Variants in CAMTA1 observed in about 807,000 individuals in gnomAD.
The protein encoded by CAMTA1 is calmodulin binding transcription activator 1.
A neutral mutation model predicts 170.9 loss-of-function variants in CAMTA1; 27 were observed. The observed-to-expected ratio is 0.16, with a 90% CI of 0.12 to 0.22. The LOEUF is 0.22. Among genes scored for constraint, CAMTA1 ranks in the 10% least tolerant of loss-of-function variants. CAMTA1 has a pLI of 1.00. For synonymous variants in CAMTA1, 833 were observed against 891.5 expected (o/e 0.93, Z 1.17); for missense variants, 1,619 against 2,217.2 (o/e 0.73, Z 5.42).
chr1:7,486,982 C>G (rs2093626847), intron 6 of CAMTA1, among the ~76,000 whole-genome samples: 1 of 151,918 alleles, frequency 6.6e-6, no homozygotes, highest in South Asian at 2.1e-4. Context: ...CTCACCTGTA[C>G]AACAGAAATG....
intron 6 of CAMTA1, among the ~76,000 whole-genome samples, chr1:7,472,001 C>T (rs894950298): frequency 1.3e-5 from 2 of 152,226 alleles, no homozygotes; most frequent in Admixed American, 6.5e-5. Context: ...TCCTTTGTGC[C>T]CTTGTCCTCT....
chr1:6,997,019 C>A (rs181100912), intron 3 of CAMTA1, among the ~76,000 whole-genome samples: 1 of 152,050 alleles, frequency 6.6e-6, no homozygotes, highest in Non-Finnish European at 1.5e-5. Context: ...CCAGATGTGT[C>A]GGTTTGCAAG....
At chr1:6,862,265 G>A (rs1664993638) in intron 3 of CAMTA1, among the ~76,000 whole-genome samples, 1 of 152,178 alleles carries the variant, frequency 6.6e-6, no homozygotes, top group African/African-American at 2.4e-5. Context: ...GAGCCACCAC[G>A]CCCAGCCTAG....
chr1:6,977,592 G>A (rs189563849), intron 3 of CAMTA1, among the ~76,000 whole-genome samples: 6 of 152,196 alleles, frequency 3.9e-5, no homozygotes, highest in African/African-American at 9.6e-5. Context: ...CACTCGCCTC[G>A]GCCTCCCAAA....
chr1:7,094,664 G>A (rs544430994), intron 4 of CAMTA1, among the ~76,000 whole-genome samples: 138 of 152,192 alleles, frequency 9.1e-4, no homozygotes, highest in African/African-American at 3.1e-3. Flanking sequence ...GGCCCCGGGA[G>A]CCCCAGCTCA....
At chr1:7,131,273 C>T (rs911044883) in intron 4 of CAMTA1, among the ~76,000 whole-genome samples, 1 of 152,002 alleles carries the variant, frequency 6.6e-6, no homozygotes, top group South Asian at 2.1e-4. Flanking sequence ...TTTATAACAG[C>T]GTCATTTGAA....
intron 6 of CAMTA1, among the ~76,000 whole-genome samples, chr1:7,490,007 C>T (rs2093678777): frequency 1.3e-5 from 2 of 152,330 alleles, no homozygotes; most frequent in South Asian, 4.1e-4. Context: ...GATATTGGAT[C>T]TCACAGGCCT....
chr1:7,598,172 G>A (rs1428337363), intron 6 of CAMTA1, among the ~76,000 whole-genome samples: 14 of 149,782 alleles, frequency 9.3e-5, no homozygotes, highest in Admixed American at 2.7e-4. Flanking sequence ...ACCTATGAGT[G>A]AGAACATGTG....
intron 3 of CAMTA1, among the ~76,000 whole-genome samples, chr1:6,889,950 A>G (rs1332619406): frequency 6.6e-6 from 1 of 152,228 alleles, no homozygotes; most frequent in Non-Finnish European, 1.5e-5. Context: ...AAATGCTTAA[A>G]GCCACTGTCA....
chr1:7,711,752 C>T (rs1054161369), intron 11 of CAMTA1, among the ~76,000 whole-genome samples: 3 of 152,184 alleles, frequency 2.0e-5, no homozygotes, highest in Non-Finnish European at 4.4e-5. Context: ...CGATGTCACT[C>T]TAGCCAGAAC....
rs1302570236 is a variant in CAMTA1 at position 7,633,224 on chromosome 1, C to G, written c.511-7176C>G. Among the ~76,000 whole-genome samples, 1 of 152,226 alleles carries G rather than the reference C, an allele frequency of 6.6e-6. No homozygotes were observed. Among genetic ancestry groups the G allele is most frequent in the African/African-American group, 2.4e-5 (1 of 41,462 alleles). ...AGAGATTGACTCTACCTCAGGCTCCCGGGAGATGCCCTTCCACCACCTTCA... is the reference window on the plus strand; with the variant it reads ...AGAGATTGACTCTACCTCAGGCTCCGGGGAGATGCCCTTCCACCACCTTCA... On this transcript the variant is annotated intron_variant, in intron 6 of 22. Transcript: ENST00000303635. The surrounding 1 kb of genome is among the most constrained non-coding windows in gnomAD (Gnocchi z 4.1).
chr1:7,602,118 TC>T (rs1557986548), intron 6 of CAMTA1, among the ~76,000 whole-genome samples: 2 of 136,878 alleles, frequency 1.5e-5, no homozygotes, highest in Middle Eastern at 3.4e-3. Context: ...CTTCCTTCCT[TC>T]CTTCCTTCCT....
At chr1:7,031,698 C>G (rs1247461975) in intron 3 of CAMTA1, among the ~76,000 whole-genome samples, 10 of 152,000 alleles carry the variant, frequency 6.6e-5, no homozygotes, top group Admixed American at 6.6e-4. Flanking sequence ...TGCCACCATG[C>G]CCAGCTAATT....
rs72867103 is a variant in CAMTA1, at chr1:7,569,892, C to T, written c.511-70508C>T. Reference sequence around the variant, plus strand: ...GATCCCAGCCCCTGCAGCCTCCATCCTAGCTGCCATCGTCAGGTCCCCTTA... The same window carrying T: ...GATCCCAGCCCCTGCAGCCTCCATCTTAGCTGCCATCGTCAGGTCCCCTTA... On this transcript the variant is annotated intron_variant, in intron 6 of 22. Coordinates refer to ENST00000303635, the MANE Select transcript of CAMTA1 (RefSeq NM_015215.4). Among the ~76,000 whole-genome samples, 434 of 152,302 alleles carry T rather than the reference C, an allele frequency of 2.8e-3. 2 individuals carry two copies. The highest frequency in any genetic ancestry group is 9.9e-3 in the African/African-American group (411 of 41,566).
rs547865353 is a variant in CAMTA1, at chr1:7,099,040, G to A, written c.302+7669G>A. On this transcript the variant is annotated intron_variant, in intron 4 of 22. Coordinates refer to ENST00000303635, the MANE Select transcript of CAMTA1 (RefSeq NM_015215.4). ...ACGACCTGTGGCTCCTGCCCACCCCGCCACCCCCATGCTTTTTAAAAAAAT... is the reference window on the plus strand; with the variant it reads ...ACGACCTGTGGCTCCTGCCCACCCCACCACCCCCATGCTTTTTAAAAAAAT... Among the ~76,000 whole-genome samples, 3 of 145,808 alleles carry A rather than the reference G, an allele frequency of 2.1e-5. No individual in the cohort carries two copies. In the South Asian group the frequency reaches 7.2e-4, roughly 35 times the overall value.
chr1:7,702,338 A>G (rs1231029086), intron 11 of CAMTA1, among the ~76,000 whole-genome samples: 4 of 152,044 alleles, frequency 2.6e-5, no homozygotes, highest in Non-Finnish European at 4.4e-5. Context: ...TGCCAAAACA[A>G]ACAAACAAAC....
At chr1:6,838,194 T>C (rs1003476305) in intron 3 of CAMTA1, among the ~76,000 whole-genome samples, 3 of 152,208 alleles carry the variant, frequency 2.0e-5, no homozygotes, top group African/African-American at 4.8e-5. Flanking sequence ...TTAAACAGTC[T>C]GGCTTGGTGA....
intron 5 of CAMTA1, among the ~76,000 whole-genome samples, chr1:7,318,298 G>T (rs962535062): frequency 6.6e-6 from 1 of 152,164 alleles, no homozygotes; most frequent in African/African-American, 2.4e-5. Flanking sequence ...GCCCGTAAAG[G>T]CTTCCCTGGG....
intron 4 of CAMTA1, among the ~76,000 whole-genome samples, chr1:7,108,214 G>T (rs1274960703): frequency 6.6e-6 from 1 of 152,162 alleles, no homozygotes; most frequent in Non-Finnish European, 1.5e-5. Context: ...CAAGAGCCGG[G>T]CTCTGTATAT....
Sources: allele counts gnomAD v4.1 joint callset (sites outside exome capture counted in the v4.1 genomes callset), GRCh38; gene constraint gnomAD v4.1.1; non-coding constraint Gnocchi (gnomAD v3.1); transcripts MANE v1.5; gene names NCBI Gene and HGNC (gene_info 2026-07-23, HGNC 2026-07-21).